The following SLC5A4 variants were observed in gnomAD, a reference collection of about 807,000 sequenced individuals.
The protein encoded by SLC5A4 is probable glucose sensor protein SLC5A4.
In SLC5A4, 55 loss-of-function variants were observed where a neutral mutation model predicts 70.3. That is an observed-to-expected ratio of 0.78 (90% CI 0.63 to 0.98). SLC5A4 has a LOEUF of 0.98. SLC5A4 is among the 50% of genes least tolerant of loss of function. The probability of loss-of-function intolerance (pLI) is 0.00; values close to 1 mark genes in which losing one functional copy is unlikely to be tolerated. For missense variants in SLC5A4, 735 were observed against 839.2 expected (o/e 0.88, Z 1.53); for synonymous variants, 268 against 305.7 (o/e 0.88, Z 1.29).
At chr22:32,224,857 A>G (rs1267451742) in intron 12 of SLC5A4, among the ~76,000 whole-genome samples, 2 of 152,220 alleles carry the variant, frequency 1.3e-5, no homozygotes, top group African/African-American at 4.8e-5. Context: ...AGCTGATATT[A>G]GGTAGTTTTG....
chr22:32,330,696 G>GA, the SLC5A4 span, among the ~76,000 whole-genome samples: 1 of 90,314 alleles, frequency 1.1e-5, no homozygotes, highest in African/African-American at 4.5e-5. Flanking sequence ...TGTGTGTTGG[G>GA]GGCTCTGTGT....
chr22:32,309,154 CAT>C, the SLC5A4 span, among the ~76,000 whole-genome samples: 20 of 130,318 alleles, frequency 1.5e-4, no homozygotes, highest in East Asian at 2.3e-3. Context: ...CAGAGGCTAA[CAT>C]GAGGGCAGCG....
chr22:32,259,914 AG>A (rs202062661), upstream of SLC5A4, among the ~76,000 whole-genome samples: 1,505 of 152,340 alleles, frequency 9.9e-3, 5 homozygotes, highest in South Asian at 0.016. Flanking sequence ...GAAGTCACAC[AG>A]GGTGGAGCGG....
chr22:32,330,720 TG>T, the SLC5A4 span, among the ~76,000 whole-genome samples: 4 of 99,740 alleles, frequency 4.0e-5, no homozygotes, highest in Non-Finnish European at 7.5e-5. Context: ...TTGGGGGCTC[TG>T]GTGTGTATGT....
the SLC5A4 span, among the ~76,000 whole-genome samples, chr22:32,341,551 G>A: frequency 6.6e-6 from 1 of 152,228 alleles, no homozygotes; most frequent in Non-Finnish European, 1.5e-5. Context: ...AGTGGACCGT[G>A]AATCCTGGGA....
the SLC5A4 span, among the ~76,000 whole-genome samples, chr22:32,344,825 C>G: frequency 6.6e-6 from 1 of 152,078 alleles, no homozygotes; most frequent in African/African-American, 2.4e-5. Context: ...TGTACACATT[C>G]CCCACCTTGC....
the SLC5A4 span, among the ~76,000 whole-genome samples, chr22:32,314,279 C>T: frequency 6.6e-6 from 1 of 152,136 alleles, no homozygotes; most frequent in Non-Finnish European, 1.5e-5. Flanking sequence ...ACCTATTGTA[C>T]TTACTTGAAT....
chr22:32,254,058 G>A, intron 2 of SLC5A4, 84 bp downstream of exon 2: 1 of 1,075,174 alleles, frequency 9.3e-7, no homozygotes, highest in Non-Finnish European at 1.4e-6. Context: ...TGGGATTACA[G>A]GCGTGAGACA....
chr22:32,220,233 G>A (rs990199361), intron 14 of SLC5A4, among the ~76,000 whole-genome samples: 4 of 152,046 alleles, frequency 2.6e-5, no homozygotes, highest in African/African-American at 9.7e-5. Flanking sequence ...AAAATGATAG[G>A]CCAGTCATAC....
the SLC5A4 span, among the ~76,000 whole-genome samples, chr22:32,268,931 C>T: frequency 1.3e-5 from 2 of 152,326 alleles, no homozygotes; most frequent in East Asian, 1.9e-4. Context: ...GAGTTTCGCT[C>T]TTTCGCCCAG....
chr22:32,316,690 C>CG, the SLC5A4 span, among the ~76,000 whole-genome samples: 19 of 129,052 alleles, frequency 1.5e-4, no homozygotes, highest in East Asian at 4.2e-3. Flanking sequence ...CCACCATGCT[C>CG]GGCTAATTTT....
At chr22:32,333,201 C>CCCCCA in the SLC5A4 span, among the ~76,000 whole-genome samples, 5 of 147,294 alleles carry the variant, frequency 3.4e-5, no homozygotes, top group East Asian at 1.1e-3. Context: ...CTGGCACCCC[C>CCCCCA]CCCCCAGAAG....
chr22:32,319,388 A>C, the SLC5A4 span, among the ~76,000 whole-genome samples: 1 of 151,710 alleles, frequency 6.6e-6, no homozygotes, highest in African/African-American at 2.4e-5. Flanking sequence ...TCAAACAGGA[A>C]CTCACACCAT....
In SLC5A4 at chr22:32,239,547, T is replaced by TAA. The variant is rs1569374785; in HGVS notation, c.478-458_478-457insTT. Among the ~76,000 whole-genome samples the TAA allele has an allele frequency of 4.2e-3, 55 of 13,158 alleles. 3 individuals are homozygous for TAA. The highest frequency in any genetic ancestry group is 0.031 in the African/African-American group (40 of 1,300). 8.6% of individuals were successfully genotyped at this position (13,158 alleles called of 152,430 possible). A position where few individuals can be genotyped will look rare whatever the true frequency, so the allele number is the denominator to read the frequency against. ...ATATATATATATATATATATATATATATATATATATATATATATATATTTA... is the reference window on the plus strand; with the variant it reads ...ATATATATATATATATATATATATATAAATATATATATATATATATATATTTA... On this transcript the variant is annotated intron_variant, in intron 5 of 14. Transcript: ENST00000266086.
At chr22:32,261,917 CAT>C in the SLC5A4 span, among the ~76,000 whole-genome samples, 3 of 152,188 alleles carry the variant, frequency 2.0e-5, no homozygotes, top group Non-Finnish European at 4.4e-5. Flanking sequence ...TAAGTGAGAA[CAT>C]GTGATGTTTG....
At chr22:32,306,750 C>T in the SLC5A4 span, among the ~76,000 whole-genome samples, 3 of 152,144 alleles carry the variant, frequency 2.0e-5, no homozygotes, top group Admixed American at 2.0e-4. Flanking sequence ...GTGACTGAGC[C>T]TCTCACCCTT....
rs769851672 is a variant in SLC5A4, at chr22:32,254,194, C to T, written c.155G>A (p.Arg52Gln). 1.7e-5 allele frequency: 28 copies of T among 1,613,858 alleles called. No homozygotes were observed. Among genetic ancestry groups the T allele is most frequent in the Middle Eastern group, 1.6e-4 (1 of 6,084 alleles). ...GAGGAAGAAGCCTCCTATAGTACCT[C>T]GGTTGGTCTTCAGCATCGCCTGAGC... is the stretch of plus-strand genomic sequence containing the variant. ...VGLWAMLKTN[R>Q]GTIGGFFLAG... The change falls in exon 2 of 15, where the codon CGA becomes CAA. Residue 52 changes from arginine (R) to glutamine (Q), a missense_variant. Arg to Gln is a conservative substitution (Grantham distance 43). Transcript: ENST00000266086.
At chr22:32,302,711 T>C in the SLC5A4 span, among the ~76,000 whole-genome samples, 1 of 152,236 alleles carries the variant, frequency 6.6e-6, no homozygotes, top group African/African-American at 2.4e-5. Context: ...CTACGTAGAC[T>C]TGATTGTTAT....
chr22:32,243,408 G>A (rs1926644287), intron 5 of SLC5A4, among the ~76,000 whole-genome samples: 2 of 152,112 alleles, frequency 1.3e-5, no homozygotes, highest in Admixed American at 1.3e-4. Flanking sequence ...AAGAAAAGAT[G>A]ATTAAAAAAG....
Sources: allele counts gnomAD v4.1 joint callset (sites outside exome capture counted in the v4.1 genomes callset), GRCh38; gene constraint gnomAD v4.1.1; transcripts MANE v1.5; gene names NCBI Gene and HGNC (gene_info 2026-07-23, HGNC 2026-07-21).